The following MTMR2 variants were observed in gnomAD, a reference collection of about 807,000 sequenced individuals.
MTMR2 encodes the protein phosphatidylinositol-3,5-bisphosphate 3-phosphatase MTMR2.
MTMR2 carries 55 observed loss-of-function variants against 86.9 expected under a neutral mutation model. That is an observed-to-expected ratio of 0.63 (90% CI 0.51 to 0.79). The LOEUF (loss-of-function observed/expected upper bound fraction) is 0.79, where lower values mean the gene tolerates loss of function less well. Among genes scored for constraint, MTMR2 ranks in the 30% least tolerant of loss-of-function variants. MTMR2 has a pLI of 0.00. For synonymous variants in MTMR2, 241 were observed against 266.8 expected (o/e 0.90, Z 0.94); for missense variants, 659 against 772.3 (o/e 0.85, Z 1.74).
At chr11:95,868,964 AAAAG>A (rs1039747857) in intron 2 of MTMR2, among the ~76,000 whole-genome samples, 1 of 151,934 alleles carries the variant, frequency 6.6e-6, no homozygotes, top group African/African-American at 2.4e-5. Flanking sequence ...AAAAAAAAGA[AAAAG>A]AAAAAAATAT....
intron 2 of MTMR2, among the ~76,000 whole-genome samples, chr11:95,877,945 T>C (rs149779860): frequency 6.6e-6 from 1 of 152,082 alleles, no homozygotes; most frequent in East Asian, 1.9e-4. Context: ...ACTCTGTTAT[T>C]ATAGCAGCCC....
chr11:95,868,223 G>A (rs569349054), intron 2 of MTMR2, among the ~76,000 whole-genome samples: 14 of 130,008 alleles, frequency 1.1e-4, no homozygotes, highest in African/African-American at 4.0e-4. Context: ...AGTGAGCTGT[G>A]ATGCACTCCA....
At chr11:95,851,055 C>CTTTTTTT (rs55809121) in intron 7 of MTMR2, among the ~76,000 whole-genome samples, 2 of 93,394 alleles carry the variant, frequency 2.1e-5, no homozygotes, top group East Asian at 3.0e-4. Context: ...TCAAATATTC[C>CTTTTTTT]TTTTTTTTTT....
intron 1 of MTMR2, among the ~76,000 whole-genome samples, chr11:95,923,520 AAGAC>A (rs1402583783): frequency 1.3e-5 from 2 of 152,004 alleles, no homozygotes; most frequent in Non-Finnish European, 2.9e-5. Context: ...GTGACAGAGA[AAGAC>A]AGGAAATGTG....
chr11:95,878,911 T>C (rs1865222056), intron 2 of MTMR2, among the ~76,000 whole-genome samples: 1 of 152,148 alleles, frequency 6.6e-6, no homozygotes, highest in African/African-American at 2.4e-5. Flanking sequence ...TTATGTACTG[T>C]TTTTAGAAGA....
chr11:95,847,761 G>A lies in MTMR2; in HGVS notation c.1132C>T (p.His378Tyr). 4 of 1,613,584 alleles carry A rather than the reference G, an allele frequency of 2.5e-6. No individual in the cohort carries two copies. The highest frequency in any genetic ancestry group is 3.4e-6 in the Non-Finnish European group (4 of 1,179,576). The change falls in exon 10 of 15, where the codon CAC (histidine) becomes TAC (tyrosine). Residue 378 changes from histidine to tyrosine, a missense_variant. This residue lies in a region of MTMR2 where 387 missense variants were observed against 526.3 expected (regional missense o/e 0.74). Transcript: ENST00000346299. ...GTAGATTCCAAGTTAGACAACCAGT[G>A]GGTTTCCTCAATGTTGGGGTACACA... Reference protein sequence around the residue: ...EIVYPNIEETHWLSNLESTHW... With the variant: ...EIVYPNIEETYWLSNLESTHW...
At chr11:95,908,237 A>G (rs1457150127) in intron 1 of MTMR2, among the ~76,000 whole-genome samples, 1 of 152,098 alleles carries the variant, frequency 6.6e-6, no homozygotes, top group Non-Finnish European at 1.5e-5. Flanking sequence ...ATGCGATCCC[A>G]TTCACAATAC....
chr11:95,922,206 G>T (rs1866952231), intron 1 of MTMR2, among the ~76,000 whole-genome samples: 1 of 152,144 alleles, frequency 6.6e-6, no homozygotes, highest in Non-Finnish European at 1.5e-5. Flanking sequence ...AAAGACCAAA[G>T]AGCTAGCTCA....
intron 1 of MTMR2, among the ~76,000 whole-genome samples, chr11:95,908,516 G>A (rs972641701): frequency 6.6e-6 from 1 of 152,016 alleles, no homozygotes; most frequent in Non-Finnish European, 1.5e-5. Flanking sequence ...GAACCAAAAA[G>A]AAGCCCGAAT....
At position 95,836,369 on chromosome 11, in the gene MTMR2, A is replaced by G. The variant is rs114259367; in HGVS notation, c.1594-45T>C. On this transcript the variant is annotated intron_variant, in intron 13 of 14. Coordinates refer to ENST00000346299, the MANE Select transcript of MTMR2 (RefSeq NM_016156.6). ...GTAAAGATTCTCCACCACATAAGCC[A>G]TTTACACTTTAGATGAAATTTGTGA... The G allele has an allele frequency of 6.5e-4, 993 of 1,532,978 alleles. 7 individuals carry two copies. The African/African-American group carries it at 9.7e-3, about 15-fold the overall frequency. 95.0% of individuals were successfully genotyped at this position (1,532,978 alleles called of 1,614,324 possible). A position where few individuals can be genotyped will look rare whatever the true frequency, so the allele number is the denominator to read the frequency against.
At chr11:95,890,521 C>T (rs2135554806) in intron 1 of MTMR2, among the ~76,000 whole-genome samples, 1 of 152,314 alleles carries the variant, frequency 6.6e-6, no homozygotes, top group East Asian at 1.9e-4. Context: ...CTATAGAAAC[C>T]TTTTATTTTC....
intron 1 of MTMR2, among the ~76,000 whole-genome samples, chr11:95,919,905 C>G (rs1243111447): frequency 6.6e-6 from 1 of 151,698 alleles, no homozygotes; most frequent in African/African-American, 2.4e-5. Flanking sequence ...TCAAAGAAAC[C>G]CACTAAAGCA....
chr11:95,851,055 C>CTTTTTTTTTTTTTTTTTTTTTTTTTTT, intron 7 of MTMR2, among the ~76,000 whole-genome samples: 1 of 93,396 alleles, frequency 1.1e-5, no homozygotes, highest in Non-Finnish European at 1.9e-5. Context: ...TCAAATATTC[C>CTTTTTTTTTTTTTTTTTTTTTTTTTTT]TTTTTTTTTT....
rs1867051545 is a variant in MTMR2 at position 95,924,092 on chromosome 11, T to C, written c.-138A>G. 2 of 1,153,590 alleles carry C rather than the reference T, an allele frequency of 1.7e-6. No homozygotes were observed. Among genetic ancestry groups the C allele is most frequent in the Non-Finnish European group, 2.5e-6 (2 of 793,454 alleles). 71.5% of individuals were successfully genotyped at this position (1,153,590 alleles called of 1,614,324 possible). Reference sequence around the variant, plus strand: ...CCGGGAGGGAGACCGGAAGCGGCCATGTTCCCCCAGAGTGCACCGCGCCTG... The same window carrying C: ...CCGGGAGGGAGACCGGAAGCGGCCACGTTCCCCCAGAGTGCACCGCGCCTG... On this transcript the variant is annotated 5_prime_UTR_variant, in exon 1 of 15. The change abolishes an upstream ATG in the 5' untranslated region. Coordinates refer to ENST00000346299, the MANE Select transcript of MTMR2 (RefSeq NM_016156.6).
chr11:95,903,349 T>G (rs1450406183), intron 1 of MTMR2, among the ~76,000 whole-genome samples: 4 of 152,148 alleles, frequency 2.6e-5, no homozygotes, highest in African/African-American at 9.7e-5. Flanking sequence ...CTTTTAAAAC[T>G]CCATGCCTGT....
At position 95,847,383 on chromosome 11, in the gene MTMR2, C is replaced by T. The variant is rs540724925; in HGVS notation, c.1179+331G>A. Reference sequence around the variant, plus strand: ...GCTAGTTCCTGATTAGATGGAAAGACAGGGTAAAGAGTTCAGAGAAAATGG... The same window carrying T: ...GCTAGTTCCTGATTAGATGGAAAGATAGGGTAAAGAGTTCAGAGAAAATGG... On this transcript the variant is annotated intron_variant, in intron 10 of 14. Transcript: ENST00000346299. 1.4e-4 allele frequency among the ~76,000 whole-genome samples: 21 copies of T among 152,118 alleles called. No homozygotes were observed. The East Asian group carries it at 3.9e-3, about 28-fold the overall frequency.
intron 2 of MTMR2, among the ~76,000 whole-genome samples, chr11:95,886,387 A>G (rs1207798435): frequency 6.6e-6 from 1 of 152,202 alleles, no homozygotes; most frequent in Non-Finnish European, 1.5e-5. Flanking sequence ...TATACAGATT[A>G]ACATTATGCA....
At chr11:95,878,109 A>G (rs2135523013) in intron 2 of MTMR2, among the ~76,000 whole-genome samples, 1 of 150,862 alleles carries the variant, frequency 6.6e-6, no homozygotes, top group African/African-American at 2.4e-5. Context: ...ATCATTCAGT[A>G]ATAAAAAGAA....
intron 2 of MTMR2, among the ~76,000 whole-genome samples, chr11:95,882,988 C>T (rs929000385): frequency 1.3e-5 from 2 of 148,754 alleles, no homozygotes; most frequent in African/African-American, 2.5e-5. Context: ...CCTCGTGATC[C>T]GCCCATCTCG....
Sources: allele counts gnomAD v4.1 joint callset (sites outside exome capture counted in the v4.1 genomes callset), GRCh38; gene constraint gnomAD v4.1.1; regional missense constraint gnomAD v4.1.1; transcripts MANE v1.5; gene names NCBI Gene and HGNC (gene_info 2026-07-23, HGNC 2026-07-21).